Variants in THSD4 observed in about 807,000 individuals in gnomAD.
The protein encoded by THSD4 is thrombospondin type 1 domain containing 4.
In THSD4, 69 loss-of-function variants were observed where a neutral mutation model predicts 119.0. The ratio of observed to expected loss-of-function variants is 0.58; its 90% CI spans 0.48 to 0.71. The LOEUF (loss-of-function observed/expected upper bound fraction) is 0.71. Ranked by LOEUF, THSD4 falls within the 30% of genes least tolerant of loss-of-function variation. THSD4 has a pLI of 0.00. For missense variants in THSD4, 1,393 were observed against 1,391.1 expected, an observed-to-expected ratio of 1.00 and a Z score of -0.02; for synonymous variants, 524 against 540.4, an observed-to-expected ratio of 0.97 and a Z score of 0.42.
intron 7 of THSD4, among the ~76,000 whole-genome samples, chr15:71,619,513 G>A (rs899294261): frequency 2.6e-5 from 4 of 152,188 alleles, no homozygotes; most frequent in Non-Finnish European, 5.9e-5. Flanking sequence ...TCATTCAGTA[G>A]CCTGCTCCTA....
intron 7 of THSD4, among the ~76,000 whole-genome samples, chr15:71,412,436 A>G (rs2046702332): frequency 6.6e-6 from 1 of 152,210 alleles, no homozygotes; most frequent in Non-Finnish European, 1.5e-5. Context: ...TTGGTTAAAA[A>G]TAGGCATCTT....
At position 71,452,232 on chromosome 15, in the gene THSD4, T is replaced by C. The variant is rs565279943; in HGVS notation, c.1152+40409T>C. On this transcript the variant is annotated intron_variant, in intron 7 of 17. Transcript: ENST00000261862. The stretch of plus-strand genomic sequence containing the variant: ...AGCGCTGCATCTCCTCTCCTGCAGC[T>C]GTCCTGTGTTGCTGGGGTCACTCTG... Among the ~76,000 whole-genome samples the C allele has an allele frequency of 2.1e-4, 32 of 152,306 alleles. No homozygotes were observed. In the East Asian group the frequency reaches 6.0e-3, roughly 28 times the overall value.
Position 71,777,435 on chromosome 15 carries a change from G to A in THSD4, c.*61G>A, listed in dbSNP as rs548483869. 1.3e-5 allele frequency: 20 copies of A among 1,550,738 alleles called. No individual in the cohort carries two copies. Among genetic ancestry groups the A allele is most frequent in the South Asian group, 1.3e-4 (11 of 85,808 alleles). On this transcript the variant is annotated 3_prime_UTR_variant, in exon 18 of 18. Coordinates refer to ENST00000261862, the MANE Select transcript of THSD4 (RefSeq NM_024817.3). ...GCCTTCCCGGGGGCTTCAGCAGTGC[G>A]CCTGGCTGGCTGCTGCTCCACCACG...
chr15:71,550,564 G>C (rs1020340771), intron 7 of THSD4, among the ~76,000 whole-genome samples: 5 of 152,162 alleles, frequency 3.3e-5, no homozygotes, highest in African/African-American at 1.2e-4. Flanking sequence ...AGCCTCCCAA[G>C]TAGCTGGGAC....
chr15:71,509,917 G>T (rs149815726), intron 7 of THSD4, among the ~76,000 whole-genome samples: 56 of 152,218 alleles, frequency 3.7e-4, no homozygotes, highest in African/African-American at 1.2e-3. Context: ...GCTTTAAAAA[G>T]AATTTTTTTT....
rs538975904 is a variant in THSD4 at position 71,168,963 on chromosome 15, C to T, written c.99+14031C>T. The stretch of plus-strand genomic sequence containing the variant: ...AGTAACCATAAAATTGTACTACATT[C>T]GAGTCGAGGTTGTTTAAAAATTGAA... On this transcript the variant is annotated intron_variant, in intron 3 of 17. Coordinates refer to ENST00000261862, the MANE Select transcript of THSD4 (RefSeq NM_024817.3). Among the ~76,000 whole-genome samples, 7 of 152,178 alleles carry T rather than the reference C, an allele frequency of 4.6e-5. No homozygotes were observed. In the South Asian group the frequency reaches 1.0e-3, roughly 23 times the overall value.
intron 8 of THSD4, among the ~76,000 whole-genome samples, chr15:71,702,779 C>G (rs1199425732): frequency 6.6e-6 from 1 of 152,172 alleles, no homozygotes; most frequent in African/African-American, 2.4e-5. Context: ...CAGGCACCTC[C>G]TTGGAGAGGC....
At chr15:71,251,657 A>G (rs572702865) in intron 5 of THSD4, among the ~76,000 whole-genome samples, 45 of 152,198 alleles carry the variant, frequency 3.0e-4, no homozygotes, top group Admixed American at 5.9e-4. Flanking sequence ...AAAAAATTAC[A>G]TATCTGACGC....
chr15:71,610,957 G>A (rs1192028366), intron 7 of THSD4, among the ~76,000 whole-genome samples: 1 of 151,784 alleles, frequency 6.6e-6, no homozygotes, highest in Non-Finnish European at 1.5e-5. Flanking sequence ...GTGCATATGT[G>A]TATGGAAAGA....
At chr15:71,105,913 A>G (rs953299468) in intron 1 of THSD4, among the ~76,000 whole-genome samples, 1 of 152,096 alleles carries the variant, frequency 6.6e-6, no homozygotes, top group East Asian at 1.9e-4. Flanking sequence ...CCCTCTTGAG[A>G]TGTTGAGCTT....
chr15:71,618,785 C>T (rs2050367874), intron 7 of THSD4, among the ~76,000 whole-genome samples: 1 of 152,086 alleles, frequency 6.6e-6, no homozygotes, highest in Admixed American at 6.5e-5. Flanking sequence ...GCCATGTTGC[C>T]CAGGCTGGTC....
intron 3 of THSD4, among the ~76,000 whole-genome samples, chr15:71,166,776 C>G (rs143826740): frequency 1.1e-3 from 163 of 152,218 alleles, no homozygotes; most frequent in Admixed American, 2.1e-3. Context: ...TCAGGCAACT[C>G]TAGTTGGCCA....
chr15:71,474,485 T>G (rs2140648669), intron 7 of THSD4, among the ~76,000 whole-genome samples: 1 of 152,154 alleles, frequency 6.6e-6, no homozygotes, highest in East Asian at 1.9e-4. Flanking sequence ...CCTCCCAAAG[T>G]GCTGGGATTA....
Position 71,551,894 on chromosome 15 carries a change from AC to A in THSD4, c.1153-108633del, listed in dbSNP as rs2048936486. Among the ~76,000 whole-genome samples the A allele has an allele frequency of 2.0e-5, 3 of 152,190 alleles. No individual in the cohort carries two copies. The South Asian group carries it at 6.2e-4, about 31-fold the overall frequency. On this transcript the variant is annotated intron_variant, in intron 7 of 17. Coordinates refer to ENST00000261862, the MANE Select transcript of THSD4 (RefSeq NM_024817.3). The stretch of plus-strand genomic sequence containing the variant: ...ACAGTAGAGGCGCAGCAAGCAAGCC[AC>A]CCTTACCAGTTCTGGGAATGATGGG...
chr15:71,450,342 AT>A (rs113018622), intron 7 of THSD4, among the ~76,000 whole-genome samples: 8,544 of 150,476 alleles, frequency 0.057, 315 homozygotes, highest in African/African-American at 0.092. Context: ...GCAATTGAAG[AT>A]TTTTTTTTTT....
intron 7 of THSD4, among the ~76,000 whole-genome samples, chr15:71,607,430 G>A (rs1317265278): frequency 1.3e-5 from 2 of 152,236 alleles, no homozygotes; most frequent in Non-Finnish European, 2.9e-5. Context: ...AACTGCCAAG[G>A]CCCAAGTATC....
chr15:71,745,932 A>G (rs993969511), intron 12 of THSD4, among the ~76,000 whole-genome samples: 1 of 152,208 alleles, frequency 6.6e-6, no homozygotes, highest in African/African-American at 2.4e-5. Flanking sequence ...GGCGTGAGCC[A>G]CTGCGCCTGG....
chr15:71,466,558 C>T (rs536960394), intron 7 of THSD4, among the ~76,000 whole-genome samples: 1 of 152,264 alleles, frequency 6.6e-6, no homozygotes, highest in African/African-American at 2.4e-5. Flanking sequence ...CATTCTTCCT[C>T]ATCCCTCTAG....
At chr15:71,512,136 G>C (rs936590047) in intron 7 of THSD4, among the ~76,000 whole-genome samples, 4 of 152,138 alleles carry the variant, frequency 2.6e-5, no homozygotes, top group African/African-American at 9.7e-5. Flanking sequence ...TGAACACATG[G>C]CAAATTCTAT....
Sources: gnomAD v4.1 joint callset for allele counts (sites outside exome capture counted in the v4.1 genomes callset) on GRCh38, gnomAD v4.1.1 for gene constraint, MANE v1.5 for transcripts, NCBI Gene and HGNC (gene_info 2026-07-23, HGNC 2026-07-21) for gene names.